Variants in PPP3CA observed in about 807,000 individuals in gnomAD.
PPP3CA encodes CAM-PRP catalytic subunit.
PPP3CA carries 14 observed loss-of-function variants against 66.5 expected under a neutral mutation model. The ratio of observed to expected loss-of-function variants is 0.21; its 90% CI spans 0.14 to 0.33. PPP3CA has a LOEUF of 0.33. Ranked by LOEUF, PPP3CA falls within the 10% of genes least tolerant of loss-of-function variation. PPP3CA has a pLI of 1.00. For missense variants in PPP3CA, 317 were observed against 639.5 expected (o/e 0.50, Z 5.44); for synonymous variants, 232 against 226.2 (o/e 1.03, Z -0.23).
rs148768956 is a variant in PPP3CA at position 101,134,014 on chromosome 4, T to C, written c.260-24936A>G. 6.4e-3 allele frequency among the ~76,000 whole-genome samples: 978 copies of C among 152,140 alleles called. 6 individuals are homozygous for C. The highest frequency in any genetic ancestry group is 0.033 in the South Asian group (159 of 4,822). ...ATGAGGGAAGGATTCCCTATTTAAA[T>C]AATGGTGTTGGGAAAACTGGCTAGC... On this transcript the variant is annotated intron_variant, in intron 2 of 13. Coordinates refer to ENST00000394854, the MANE Select transcript of PPP3CA (RefSeq NM_000944.5).
chr4:101,192,835 T>C (rs1302457930), intron 2 of PPP3CA, among the ~76,000 whole-genome samples: 4 of 152,212 alleles, frequency 2.6e-5, no homozygotes, highest in Admixed American at 2.6e-4. Flanking sequence ...CTCCCTTACC[T>C]AGACCTTGGA....
intron 6 of PPP3CA, among the ~76,000 whole-genome samples, chr4:101,086,542 TG>T (rs908750219): frequency 2.1e-4 from 32 of 152,196 alleles, no homozygotes; most frequent in African/African-American, 4.3e-4. Context: ...ATTATTAAAA[TG>T]TTTTTTTTTT....
At chr4:101,287,544 T>C (rs1449014466) in intron 1 of PPP3CA, among the ~76,000 whole-genome samples, 1 of 152,194 alleles carries the variant, frequency 6.6e-6, no homozygotes, top group Non-Finnish European at 1.5e-5. Flanking sequence ...ACTCTAGGCA[T>C]GTGAGTGTGA....
intron 2 of PPP3CA, among the ~76,000 whole-genome samples, chr4:101,130,658 G>A (rs190862747): frequency 6.7e-4 from 102 of 152,182 alleles, no homozygotes; most frequent in African/African-American, 2.3e-3. Context: ...ATAAATGAAG[G>A]AGAAATAAAA....
chr4:101,207,969 A>G (rs1211703316), intron 1 of PPP3CA, among the ~76,000 whole-genome samples: 1 of 152,228 alleles, frequency 6.6e-6, no homozygotes, highest in African/African-American at 2.4e-5. Context: ...CTTCAGTTCC[A>G]TAAGTTTTTC....
At chr4:101,106,795 T>G (rs1487773432) in intron 3 of PPP3CA, among the ~76,000 whole-genome samples, 2 of 152,162 alleles carry the variant, frequency 1.3e-5, no homozygotes, top group Non-Finnish European at 2.9e-5. Flanking sequence ...GATGTAGCCA[T>G]CTTGGGTTAC....
intron 2 of PPP3CA, among the ~76,000 whole-genome samples, chr4:101,187,757 A>G (rs2850988): frequency 0.76 from 115,448 of 152,106 alleles, 44,610 homozygotes; most frequent in African/African-American, 0.91. Flanking sequence ...ATGTAACTAG[A>G]ATTTTAAAGA....
rs1726508602 is a variant in PPP3CA at position 101,024,091 on chromosome 4, G to A, written c.*1774C>T. 6.6e-6 allele frequency: 1 copy of A among 152,206 alleles called. No individual in the cohort carries two copies. The highest frequency in any genetic ancestry group is 1.5e-5 in the Non-Finnish European group (1 of 68,034). 9.4% of individuals were successfully genotyped at this position (152,206 alleles called of 1,614,324 possible). ...GTTTTTTAACTGGCTCCTTGAGGAA[G>A]CCAGAAGATGGCATCTGCTCTTTAA... On this transcript the variant is annotated 3_prime_UTR_variant, in exon 14 of 14. Transcript: ENST00000394854.
chr4:101,211,020 T>C (rs1010056243), intron 1 of PPP3CA, among the ~76,000 whole-genome samples: 2 of 152,228 alleles, frequency 1.3e-5, no homozygotes, highest in African/African-American at 2.4e-5. Flanking sequence ...ATCTGAGATG[T>C]AGTCAATTCT....
intron 7 of PPP3CA, 99 bp downstream of exon 7, chr4:101,083,087 G>T: frequency 1.2e-6 from 1 of 854,522 alleles, no homozygotes; most frequent in Non-Finnish European, 1.7e-6. Flanking sequence ...CCTTTTGGGA[G>T]TGAGCCTGGT....
chr4:101,256,183 A>G (rs141795258), intron 1 of PPP3CA, among the ~76,000 whole-genome samples: 1,548 of 152,068 alleles, frequency 0.01, 11 homozygotes, highest in Non-Finnish European at 0.018. Flanking sequence ...GAGATTTGCT[A>G]TTAGCACAAT....
At chr4:101,060,624 T>C (rs571572240) in intron 10 of PPP3CA, among the ~76,000 whole-genome samples, 1 of 152,098 alleles carries the variant, frequency 6.6e-6, no homozygotes, top group Non-Finnish European at 1.5e-5. Context: ...AGAAGAAATA[T>C]TGGGATTGAA....
At chr4:101,263,638 A>T (rs988087067) in intron 1 of PPP3CA, among the ~76,000 whole-genome samples, 2 of 151,454 alleles carry the variant, frequency 1.3e-5, no homozygotes, top group East Asian at 3.9e-4. Flanking sequence ...AAAATGCAAC[A>T]CCCTGCCCTG....
intron 1 of PPP3CA, among the ~76,000 whole-genome samples, chr4:101,272,448 A>G (rs1727365486): frequency 6.6e-6 from 1 of 152,220 alleles, no homozygotes; most frequent in Non-Finnish European, 1.5e-5. Flanking sequence ...ACGTAGGACA[A>G]TAAGGCAATC....
chr4:101,337,284 T>C (rs1211741414), intron 1 of PPP3CA, among the ~76,000 whole-genome samples: 1 of 152,200 alleles, frequency 6.6e-6, no homozygotes, highest in East Asian at 1.9e-4. Context: ...CTGAGTATGA[T>C]CCACTACAGA....
chr4:101,083,865 T>G (rs1729546522), intron 6 of PPP3CA, among the ~76,000 whole-genome samples: 1 of 152,168 alleles, frequency 6.6e-6, no homozygotes, highest in Non-Finnish European at 1.5e-5. Context: ...TAAACAAAAT[T>G]ATGGATATTC....
Position 101,039,630 on chromosome 4 carries a change from A to G in PPP3CA, c.1241+852T>C. ...TGGCTACCTCTTTTGGCATTAAGTC[A>G]TTCAGTTACTCTTTAGTGACTGTAC... On this transcript the variant is annotated intron_variant, in intron 11 of 13. Transcript: ENST00000394854. Among the ~76,000 whole-genome samples the G allele has an allele frequency of 1.4e-5, 2 of 144,288 alleles. 1 individual carries two copies. The highest frequency in any genetic ancestry group is 3.1e-5 in the Non-Finnish European group (2 of 64,440). 94.7% of individuals were successfully genotyped at this position (144,288 alleles called of 152,430 possible).
chr4:101,289,681 A>AT (rs397879760), intron 1 of PPP3CA, among the ~76,000 whole-genome samples: 9 of 152,140 alleles, frequency 5.9e-5, no homozygotes, highest in Admixed American at 4.6e-4. Context: ...ATTTTCATAG[A>AT]TTTTTTTATA....
At chr4:101,215,748 C>G (rs976022787) in intron 1 of PPP3CA, among the ~76,000 whole-genome samples, 2 of 151,990 alleles carry the variant, frequency 1.3e-5, no homozygotes, top group Non-Finnish European at 2.9e-5. Flanking sequence ...TTTAATAAAG[C>G]TAATGCAAAT....
Sources: gnomAD v4.1 joint callset for allele counts (sites outside exome capture counted in the v4.1 genomes callset) on GRCh38, gnomAD v4.1.1 for gene constraint, MANE v1.5 for transcripts, NCBI Gene and HGNC (gene_info 2026-07-23, HGNC 2026-07-21) for gene names.